The following MCC variants were observed in gnomAD, a reference collection of about 807,000 sequenced individuals.
MCC encodes MCC regulator of Wnt signaling pathway, also known as colorectal mutant cancer protein.
Under a neutral mutation model 116.2 loss-of-function variants are expected in MCC, and 90 were observed. The observed-to-expected ratio is 0.77, with a 90% CI of 0.65 to 0.92. The LOEUF is 0.92. Among genes scored for constraint, MCC ranks in the 40% least tolerant of loss-of-function variants. The pLI is 0.00. For missense variants in MCC, 1,516 were observed against 1,312.2 expected, an observed-to-expected ratio of 1.16 and a Z score of -2.40; for synonymous variants, 578 against 510.5, an observed-to-expected ratio of 1.13 and a Z score of -1.78.
At chr5:113,031,242 C>G (rs959916820) in intron 17 of MCC, among the ~76,000 whole-genome samples, 1 of 152,134 alleles carries the variant, frequency 6.6e-6, no homozygotes. Context: ...TTCAGTAAAT[C>G]CTCCTACCCG....
chr5:113,342,046 A>G (rs1281751279), intron 2 of MCC, among the ~76,000 whole-genome samples: 1 of 147,946 alleles, frequency 6.8e-6, no homozygotes, highest in Non-Finnish European at 1.5e-5. Flanking sequence ...TATGCCTTTG[A>G]GTCATCATAG....
At chr5:113,079,062 G>A (rs2150240173) in intron 11 of MCC, among the ~76,000 whole-genome samples, 1 of 152,302 alleles carries the variant, frequency 6.6e-6, no homozygotes, top group South Asian at 2.1e-4. Flanking sequence ...ATTCACAACT[G>A]ATTCAAAGAG....
At chr5:113,214,523 G>C (rs545293085) in intron 3 of MCC, among the ~76,000 whole-genome samples, 103 of 152,238 alleles carry the variant, frequency 6.8e-4, no homozygotes, top group African/African-American at 2.4e-3. Flanking sequence ...CTAGATCATA[G>C]GAGGGCATGA....
At chr5:113,074,257 C>G (rs185314143) in intron 11 of MCC, among the ~76,000 whole-genome samples, 1 of 152,202 alleles carries the variant, frequency 6.6e-6, no homozygotes, top group Non-Finnish European at 1.5e-5. Context: ...CTGGTGATAC[C>G]CACACAAACA....
At chr5:113,440,634 G>T (rs1368689454) in intron 1 of MCC, among the ~76,000 whole-genome samples, 1 of 151,980 alleles carries the variant, frequency 6.6e-6, no homozygotes, top group African/African-American at 2.4e-5. Context: ...AAGAGGGAAG[G>T]AATAAGGAGG....
At chr5:113,195,207 A>C (rs576209685) in intron 3 of MCC, among the ~76,000 whole-genome samples, 37 of 152,360 alleles carry the variant, frequency 2.4e-4, no homozygotes, top group African/African-American at 8.7e-4. Flanking sequence ...ATCAATATCC[A>C]TGCTGCAACA....
chr5:113,400,277 T>C (rs1769648709), intron 1 of MCC, among the ~76,000 whole-genome samples: 1 of 151,794 alleles, frequency 6.6e-6, no homozygotes, highest in Admixed American at 6.6e-5. Flanking sequence ...CGCCCGCCAC[T>C]ATGCCCAGCT....
At chr5:113,206,875 T>C (rs561926295) in intron 3 of MCC, among the ~76,000 whole-genome samples, 20 of 152,308 alleles carry the variant, frequency 1.3e-4, no homozygotes, top group Middle Eastern at 3.4e-3. Context: ...ATCATGACAA[T>C]AGCTCTGTGA....
chr5:113,138,595 G>A (rs997838587), intron 5 of MCC, among the ~76,000 whole-genome samples: 4 of 152,172 alleles, frequency 2.6e-5, no homozygotes, highest in Admixed American at 2.6e-4. Flanking sequence ...CCCCAGAACT[G>A]TGAGAAATAC....
At chr5:113,258,125 G>A (rs1007136936) in intron 3 of MCC, among the ~76,000 whole-genome samples, 1 of 152,156 alleles carries the variant, frequency 6.6e-6, no homozygotes, top group Non-Finnish European at 1.5e-5. Flanking sequence ...TTTTCAGTGA[G>A]CACATTGCAA....
chr5:113,296,026 C>G (rs1032621084), intron 3 of MCC, among the ~76,000 whole-genome samples: 2 of 152,132 alleles, frequency 1.3e-5, no homozygotes, highest in African/African-American at 4.8e-5. Context: ...TTGCATATAA[C>G]GTTTTACCCA....
rs994118853 is a variant in MCC, at chr5:113,194,881, C to CA, written c.628-43460dup. Among the ~76,000 whole-genome samples the CA allele has an allele frequency of 4.6e-5, 7 of 152,216 alleles. No homozygotes were observed. In the South Asian group the frequency reaches 1.5e-3, roughly 32 times the overall value. On this transcript the variant is annotated intron_variant, in intron 3 of 18. Coordinates refer to ENST00000408903, the MANE Select transcript of MCC (RefSeq NM_001085377.2). ...CAAAGCAAACGCAATAAACCAAGGC[C>CA]AAAATAGCCATAAAATCAAAAAGAG...
intron 14 of MCC, among the ~76,000 whole-genome samples, chr5:113,055,178 G>A (rs898494938): frequency 1.3e-5 from 2 of 152,312 alleles, no homozygotes; most frequent in Middle Eastern, 6.8e-3. Context: ...TCATGCGACT[G>A]GAAAGAGGTG....
At position 113,160,780 on chromosome 5, in the gene MCC, T is replaced by C. The variant is rs541940755; in HGVS notation, c.628-9358A>G. The stretch of plus-strand genomic sequence containing the variant: ...TTAAAACTTTAAACATTTTGAGAAA[T>C]AGAAGACCATTCAGCTGGTATCAGA... On this transcript the variant is annotated intron_variant, in intron 3 of 18. Transcript: ENST00000408903. 5.3e-5 allele frequency among the ~76,000 whole-genome samples: 8 copies of C among 152,270 alleles called. No individual in the cohort carries two copies. In the South Asian group the frequency reaches 1.0e-3, roughly 20 times the overall value.
intron 3 of MCC, among the ~76,000 whole-genome samples, chr5:113,325,428 C>CT (rs34751344): frequency 0.15 from 20,588 of 137,698 alleles, 1,654 homozygotes; most frequent in Non-Finnish European, 0.19. Context: ...TCTCGCAGCA[C>CT]TTTTTTTTTT....
intron 3 of MCC, among the ~76,000 whole-genome samples, chr5:113,323,833 C>T (rs778843470): frequency 3.9e-5 from 6 of 152,166 alleles, no homozygotes; most frequent in Admixed American, 6.5e-5. Context: ...TTGTACTGCA[C>T]TATGATCATA....
intron 3 of MCC, among the ~76,000 whole-genome samples, chr5:113,244,105 A>G (rs1456413585): frequency 6.6e-6 from 1 of 152,226 alleles, no homozygotes; most frequent in East Asian, 1.9e-4. Context: ...TGGAAATATC[A>G]AAATTATCTA....
intron 17 of MCC, among the ~76,000 whole-genome samples, chr5:113,034,230 C>T (rs1415780366): frequency 6.6e-6 from 1 of 152,020 alleles, no homozygotes; most frequent in Non-Finnish European, 1.5e-5. Flanking sequence ...TAATGTGGTA[C>T]GTTTCAAGGC....
At chr5:113,097,504 C>A (rs1247947285) in intron 8 of MCC, among the ~76,000 whole-genome samples, 1 of 152,012 alleles carries the variant, frequency 6.6e-6, no homozygotes, top group African/African-American at 2.4e-5. Flanking sequence ...ATATGAATAT[C>A]TATGAAATGG....
Sources: gnomAD v4.1 joint callset for allele counts (sites outside exome capture counted in the v4.1 genomes callset) on GRCh38, gnomAD v4.1.1 for gene constraint, MANE v1.5 for transcripts, NCBI Gene and HGNC (gene_info 2026-07-23, HGNC 2026-07-21) for gene names.